MRPS30: variants seen among roughly 807,000 people sequenced by gnomAD.
The protein encoded by MRPS30 is mitochondrial ribosomal protein S30, also known as large ribosomal subunit protein mL65.
MRPS30 carries 42 observed loss-of-function variants against 43.8 expected under a neutral mutation model. That is an observed-to-expected ratio of 0.96 (90% CI 0.75 to 1.24). The LOEUF (loss-of-function observed/expected upper bound fraction) is 1.24. Among genes scored for constraint, MRPS30 ranks in the 50% most tolerant of loss-of-function variants. The pLI is 0.00. For synonymous variants in MRPS30, 273 were observed against 228.2 expected (o/e 1.20, Z -1.77); for missense variants, 638 against 570.0 (o/e 1.12, Z -1.22).
Position 44,809,431 on chromosome 5 carries a change from C to G in MRPS30, c.469C>G (p.Leu157Val). ...CDCLLQEHFY[L>V]RRRRRVHRYE... The stretch of plus-strand genomic sequence containing the variant: ...CTGCCTGCTGCAGGAGCACTTCTAC[C>G]TGCGGCGCAGGCGGCGCGTGCACCG... Residue 157 changes from leucine (L) to valine (V), a missense_variant, in exon 1 of 5, where the codon CTG becomes GTG. By Grantham distance (32) the Leu-to-Val change is conservative (BLOSUM62 1). Transcript: ENST00000507110. 6.2e-7 allele frequency: 1 copy of G among 1,613,630 alleles called. No homozygotes were observed. Among genetic ancestry groups the G allele is most frequent in the Non-Finnish European group, 8.5e-7 (1 of 1,179,912 alleles).
At position 44,813,277 on chromosome 5, in the gene MRPS30, A is replaced by G. The variant is rs1301923846; in HGVS notation, c.1025A>G (p.Tyr342Cys). The G allele has an allele frequency of 1.3e-6, 2 of 1,576,142 alleles. No individual in the cohort carries two copies. The highest frequency in any genetic ancestry group is 8.6e-7 in the Non-Finnish European group (1 of 1,165,896). Residue 342 changes from tyrosine to cysteine, a missense_variant, in exon 4 of 5, where the codon TAT becomes TGT. Transcript: ENST00000507110. ...LFAWTGAQAMYQGFWSEADVT... is the reference protein window; with the variant it reads ...LFAWTGAQAMCQGFWSEADVT... ...GCTTGGACTGGAGCACAAGCTATGT[A>G]TCAAGGTAAAAATTAATTTTATAGC...
intron 2 of MRPS30, 79 bp from the exon 3 acceptor site, chr5:44,811,836 A>T: frequency 1.2e-6 from 1 of 866,124 alleles, no homozygotes; most frequent in Non-Finnish European, 1.7e-6. Flanking sequence ...TCATTTTAAG[A>T]TTTTTAAATC....
chr5:44,815,185 C>T lies in MRPS30; in HGVS notation c.1303C>T (p.Gln435Ter), dbSNP rs753376347. Residue 435 changes from glutamine (Q) to a stop codon, truncating the protein, a stop_gained, in exon 5 of 5, where the codon CAG becomes TAG. Transcript: ENST00000507110. LOFTEE classifies it high-confidence loss of function. ...LLNRPKEEKS[Q>*]LLEN ...GAATAGACCAAAAGAAGAAAAATCACAGCTGTTGGAAAACTGAAAAAGCAT... is the reference window on the plus strand; with the variant it reads ...GAATAGACCAAAAGAAGAAAAATCATAGCTGTTGGAAAACTGAAAAAGCAT... The T allele has an allele frequency of 6.9e-6, 11 of 1,585,460 alleles. No homozygotes were observed. In the East Asian group the frequency reaches 2.0e-4, roughly 29 times the overall value.
chr5:44,810,372 A>G (rs1300771030), intron 1 of MRPS30, among the ~76,000 whole-genome samples: 1 of 152,274 alleles, frequency 6.6e-6, no homozygotes, highest in East Asian at 1.9e-4. Flanking sequence ...CAGGGCGGAC[A>G]TGAAAAGTAA....
In MRPS30 at chr5:44,815,274, A is replaced by C; in HGVS notation, c.*72A>C. 3.8e-6 allele frequency: 5 copies of C among 1,306,836 alleles called. No homozygotes were observed. The highest frequency in any genetic ancestry group is 5.2e-6 in the Non-Finnish European group (5 of 963,226). The allele number at this position is 1,306,836 out of a possible 1,614,324, so 81.0% of individuals were successfully genotyped here. On this transcript the variant is annotated 3_prime_UTR_variant, in exon 5 of 5. Coordinates refer to ENST00000507110, the MANE Select transcript of MRPS30 (RefSeq NM_016640.4). ...AAGGAACAATAATGATGAGATTTGTAACTGTCAACTATTAAATACATTGAT... is the reference window on the plus strand; with the variant it reads ...AAGGAACAATAATGATGAGATTTGTCACTGTCAACTATTAAATACATTGAT...
Position 44,815,117 on chromosome 5 carries a change from G to C in MRPS30, c.1235G>C (p.Gly412Ala). The change falls in exon 5 of 5, where the codon GGT (glycine) becomes GCT (alanine). Residue 412 changes from glycine (G) to alanine (A), a missense_variant. Coordinates refer to ENST00000507110, the MANE Select transcript of MRPS30 (RefSeq NM_016640.4). ...ACAATTGAGGATAATGATGTGAAAGGTTTTAATGATGATGTTCTACTTCAG... is the reference window on the plus strand; with the variant it reads ...ACAATTGAGGATAATGATGTGAAAGCTTTTAATGATGATGTTCTACTTCAG... ...YETIEDNDVK[G>A]FNDDVLLQIV... 1 of 1,612,334 alleles carries C rather than the reference G, an allele frequency of 6.2e-7. No homozygotes were observed. The highest frequency in any genetic ancestry group is 8.5e-7 in the Non-Finnish European group (1 of 1,178,662).
intron 3 of MRPS30, among the ~76,000 whole-genome samples, chr5:44,812,276 C>T (rs1264480869): frequency 6.6e-6 from 1 of 152,058 alleles, no homozygotes; most frequent in Non-Finnish European, 1.5e-5. Context: ...GCTTTGTTGA[C>T]TTATTAGATA....
intron 1 of MRPS30, among the ~76,000 whole-genome samples, chr5:44,810,651 T>G (rs1742825042): frequency 6.6e-6 from 1 of 152,160 alleles, no homozygotes; most frequent in East Asian, 1.9e-4. Flanking sequence ...TCCTATAAAA[T>G]AGAGATAATG....
Position 44,814,973 on chromosome 5 carries a change from GA to G in MRPS30, c.1095del (p.Lys365AsnfsTer10). 1 of 1,613,810 alleles carries G rather than the reference GA, an allele frequency of 6.2e-7. No individual in the cohort carries two copies. Among genetic ancestry groups the G allele is most frequent in the South Asian group, 1.1e-5 (1 of 91,000 alleles). On this transcript the variant is annotated frameshift_variant, in exon 5 of 5. Transcript: ENST00000507110. LOFTEE classifies it high-confidence loss of function. ...GTCTCCCAGGCTGTGATCACAGATGGAAAATACTTTTCCTTTTTCTGCTACC... is the reference window on the plus strand; with the variant it reads ...GTCTCCCAGGCTGTGATCACAGATGGAAATACTTTTCCTTTTTCTGCTACC... ...PFVSQAVITD[G>X]KYFSFFCYQL...
rs888964834 is a variant in MRPS30, at chr5:44,810,594, G to C, written c.602-415G>C. 2.0e-5 allele frequency among the ~76,000 whole-genome samples: 3 copies of C among 152,096 alleles called. No individual in the cohort carries two copies. The East Asian group carries it at 5.8e-4, about 29-fold the overall frequency. On this transcript the variant is annotated intron_variant, in intron 1 of 4. Coordinates refer to ENST00000507110, the MANE Select transcript of MRPS30 (RefSeq NM_016640.4). ...GTCATGGACTTAGACTACTCCTGAT[G>C]GATGGCCTAGAAAACCTGTTTAACT... is the stretch of plus-strand genomic sequence containing the variant.
In MRPS30 at chr5:44,809,138, G is replaced by T. The variant is rs1205833854; in HGVS notation, c.176G>T (p.Arg59Leu). The part of the protein sequence containing the change: ...ASMTADSKAA[R>L]LRRIERWQAT... ...ATGACAGCCGACAGCAAAGCTGCAC[G>T]GCTGCGGCGGATCGAGCGCTGGCAG... The change falls in exon 1 of 5, where the codon CGG becomes CTG. Residue 59 changes from arginine (R) to leucine (L), a missense_variant. Coordinates refer to ENST00000507110, the MANE Select transcript of MRPS30 (RefSeq NM_016640.4). 1.5e-5 allele frequency: 24 copies of T among 1,611,762 alleles called. No homozygotes were observed. Among genetic ancestry groups the T allele is most frequent in the Non-Finnish European group, 1.9e-5 (22 of 1,179,436 alleles).
At chr5:44,812,161 C>T (rs1472748273) in intron 3 of MRPS30, 141 bp downstream of exon 3, 4 of 460,930 alleles carry the variant, frequency 8.7e-6, no homozygotes, top group Non-Finnish European at 1.6e-5. Flanking sequence ...TTCGTAATCT[C>T]AGGTTATTAC....
intron 4 of MRPS30, 64 bp downstream of exon 4, chr5:44,813,346 T>G: frequency 7.3e-7 from 1 of 1,379,034 alleles, no homozygotes; most frequent in Non-Finnish European, 9.6e-7. Flanking sequence ...ATATAATGGT[T>G]AAAATTTTTT....
Position 44,814,909 on chromosome 5 carries a change from A to G in MRPS30, c.1031-4A>G, listed in dbSNP as rs150007135. 3.1e-4 allele frequency: 500 copies of G among 1,594,596 alleles called. No homozygotes were observed. Among genetic ancestry groups the G allele is most frequent in the African/African-American group, 2.5e-3 (182 of 74,166 alleles). ...GTAAATTTCAGCATAACTTTCTTCTACAGGATTCTGGAGTGAAGCAGATGT... is the reference window on the plus strand; with the variant it reads ...GTAAATTTCAGCATAACTTTCTTCTGCAGGATTCTGGAGTGAAGCAGATGT... On this transcript the variant is annotated splice_region_variant and splice_polypyrimidine_tract_variant and intron_variant, in intron 4 of 4. Coordinates refer to ENST00000507110, the MANE Select transcript of MRPS30 (RefSeq NM_016640.4).
rs780968560 is a variant in MRPS30 at position 44,811,009 on chromosome 5, A to G, written c.602A>G (p.Asp201Gly). The G allele has an allele frequency of 6.2e-7, 1 of 1,613,232 alleles. No homozygotes were observed. Among genetic ancestry groups the G allele is most frequent in the Non-Finnish European group, 8.5e-7 (1 of 1,179,594 alleles). The change falls in exon 2 of 5, where the codon GAT becomes GGT. Residue 201 changes from aspartate (D) to glycine (G), a missense_variant and splice_region_variant. By Grantham distance (94) the Asp-to-Gly change is moderately conservative. Transcript: ENST00000507110. ...HNPALAAAAL[D>G]YRCPVHFYWV... ...AAAATTTTGAATATCTTTTTGATAG[A>G]TTATAGATGCCCAGTTCATTTTTAC...
Position 44,809,486 on chromosome 5 carries a change from C to T in MRPS30, c.524C>T (p.Pro175Leu), listed in dbSNP as rs575713018. ...RYEESEVISL[P>L]FLDQLVSTLV... is the part of the protein sequence containing the mutation. ...GAGGAGAGCGAGGTCATATCTTTGC[C>T]CTTCCTGGATCAGCTGGTGTCAACC... is the stretch of plus-strand genomic sequence containing the variant. The change falls in exon 1 of 5, where the codon CCC (proline) becomes CTC (leucine). Residue 175 changes from proline (P) to leucine (L), a missense_variant. Coordinates refer to ENST00000507110, the MANE Select transcript of MRPS30 (RefSeq NM_016640.4). 57 of 1,613,888 alleles carry T rather than the reference C, an allele frequency of 3.5e-5. No homozygotes were observed. In the East Asian group the frequency reaches 1.0e-3, roughly 29 times the overall value.
intron 1 of MRPS30, among the ~76,000 whole-genome samples, chr5:44,810,568 C>T (rs899112986): frequency 2.0e-5 from 3 of 152,114 alleles, no homozygotes; most frequent in South Asian, 4.1e-4. Flanking sequence ...TTGAGGAAAG[C>T]GTCATGGACT....
intron 1 of MRPS30, among the ~76,000 whole-genome samples, chr5:44,810,490 G>C (rs1027832108): frequency 6.6e-6 from 1 of 152,148 alleles, no homozygotes; most frequent in African/African-American, 2.4e-5. Context: ...TAGGACTGTA[G>C]ATGTGTGCTC....
At chr5:44,810,977 G>A (rs1456205841) in intron 1 of MRPS30, 32 bp from the exon 2 acceptor site, 1 of 1,596,566 alleles carries the variant, frequency 6.3e-7, no homozygotes, top group Non-Finnish European at 8.6e-7. Context: ...TAGATGATCA[G>A]ATGAAAAAAA....
Sources: gnomAD v4.1 joint callset for allele counts (sites outside exome capture counted in the v4.1 genomes callset) on GRCh38, gnomAD v4.1.1 for gene constraint, MANE v1.5 for transcripts, NCBI Gene and HGNC (gene_info 2026-07-23, HGNC 2026-07-21) for gene names.